The following RAB28 variants were observed in gnomAD, a reference collection of about 807,000 sequenced individuals.
RAB28 encodes the protein ras-related protein Rab-28.
A neutral mutation model predicts 31.7 loss-of-function variants in RAB28; 24 were observed. The observed-to-expected ratio is 0.76, with a 90% CI of 0.55 to 1.06. The LOEUF (loss-of-function observed/expected upper bound fraction) is 1.06, where lower values mean the gene tolerates loss of function less well. Among genes scored for constraint, RAB28 ranks in the 50% least tolerant of loss-of-function variants. The probability of loss-of-function intolerance (pLI) is 0.00; values close to 1 mark genes in which losing one functional copy is unlikely to be tolerated. For synonymous variants in RAB28, 100 were observed against 90.4 expected, an observed-to-expected ratio of 1.11 and a Z score of -0.60; for missense variants, 254 against 258.5, an observed-to-expected ratio of 0.98 and a Z score of 0.12.
At chr4:13,383,431 C>T (rs1729219596) in intron 4 of RAB28, among the ~76,000 whole-genome samples, 1 of 151,744 alleles carries the variant, frequency 6.6e-6, no homozygotes, top group Non-Finnish European at 1.5e-5. Flanking sequence ...AGTTTTTTTC[C>T]TAACAAATAT....
At chr4:13,453,020 G>C (rs1080004) in intron 4 of RAB28, among the ~76,000 whole-genome samples, 1 of 151,818 alleles carries the variant, frequency 6.6e-6, no homozygotes, top group Non-Finnish European at 1.5e-5. Context: ...ATTATTATAT[G>C]ATGTCCTCCT....
chr4:13,457,478 T>A (rs1193720402), intron 4 of RAB28, among the ~76,000 whole-genome samples: 3 of 152,174 alleles, frequency 2.0e-5, no homozygotes, highest in Non-Finnish European at 4.4e-5. Context: ...AAAATATTTA[T>A]CTATAATCTC....
Position 13,479,518 on chromosome 4 carries a change from T to A in RAB28, c.84A>T (p.Leu28Phe), listed in dbSNP as rs1218171561. Reference protein sequence around the residue: ...LGDGASGKTSLTTCFAQETFG... With the variant: ...LGDGASGKTSFTTCFAQETFG... ...AAGTTTCTTGAGCAAAACACGTAGT[T>A]AAGGAGGTCTAAAAAATTGATGCAC... The change falls in exon 2 of 7, where the codon TTA becomes TTT. Residue 28 changes from leucine to phenylalanine, a missense_variant. Leu to Phe is a conservative substitution (Grantham distance 22). Coordinates refer to ENST00000330852, the MANE Select transcript of RAB28 (RefSeq NM_001017979.3). The A allele has an allele frequency of 5.0e-6, 8 of 1,594,442 alleles. No individual in the cohort carries two copies. Among genetic ancestry groups the A allele is most frequent in the Admixed American group, 1.7e-5 (1 of 59,516 alleles).
intron 4 of RAB28, among the ~76,000 whole-genome samples, chr4:13,422,294 T>C (rs535198335): frequency 1.3e-5 from 2 of 152,320 alleles, no homozygotes; most frequent in East Asian, 1.9e-4. Flanking sequence ...TTTTGCACTG[T>C]TGGTGGGAGT....
intron 4 of RAB28, among the ~76,000 whole-genome samples, chr4:13,455,179 G>A (rs1398582546): frequency 6.6e-6 from 1 of 152,172 alleles, no homozygotes; most frequent in Non-Finnish European, 1.5e-5. Context: ...TCAGCCTGGG[G>A]CTGTGTCTGC....
intron 3 of RAB28, among the ~76,000 whole-genome samples, chr4:13,469,367 T>A (rs2108967825): frequency 6.6e-6 from 1 of 152,102 alleles, no homozygotes; most frequent in South Asian, 2.1e-4. Flanking sequence ...CCCCATACCA[T>A]CCTTTCCTTC....
intron 5 of RAB28, among the ~76,000 whole-genome samples, chr4:13,380,652 G>A (rs186706403): frequency 6.6e-6 from 1 of 152,144 alleles, no homozygotes; most frequent in East Asian, 1.9e-4. Flanking sequence ...AAAGGATGTA[G>A]TTATGGCAAT....
chr4:13,387,837 C>T (rs928155154), intron 4 of RAB28, among the ~76,000 whole-genome samples: 5 of 151,990 alleles, frequency 3.3e-5, no homozygotes, highest in Non-Finnish European at 5.9e-5. Flanking sequence ...TTTTTGAATG[C>T]CAGACAAAGT....
At chr4:13,395,507 C>T (rs189713839) in intron 4 of RAB28, among the ~76,000 whole-genome samples, 15 of 152,184 alleles carry the variant, frequency 9.9e-5, no homozygotes, top group African/African-American at 3.4e-4. Context: ...AAAACACACA[C>T]ACACTAATAC....
At chr4:13,435,017 C>CAAAAAAAAAAAAAAA (rs991889676) in intron 4 of RAB28, among the ~76,000 whole-genome samples, 3 of 47,040 alleles carry the variant, frequency 6.4e-5, no homozygotes, top group Admixed American at 2.3e-4. Context: ...GACTCCGTCT[C>CAAAAAAAAAAAAAAA]AAAAAAAAAA....
intron 4 of RAB28, among the ~76,000 whole-genome samples, chr4:13,398,506 C>T (rs1311823776): frequency 6.6e-6 from 1 of 152,152 alleles, no homozygotes; most frequent in African/African-American, 2.4e-5. Context: ...CGGCCGGGCG[C>T]GGTGGCTCAC....
intron 4 of RAB28, among the ~76,000 whole-genome samples, chr4:13,455,222 C>G (rs1715231739): frequency 6.6e-6 from 1 of 152,128 alleles, no homozygotes. Flanking sequence ...TTCTCCGGAC[C>G]TGGGCACAGA....
intron 3 of RAB28, among the ~76,000 whole-genome samples, chr4:13,464,348 T>C (rs950297081): frequency 1.3e-5 from 2 of 152,220 alleles, no homozygotes; most frequent in East Asian, 3.9e-4. Context: ...CTCTGCAGAA[T>C]AAATGGCTTA....
chr4:13,451,864 G>T (rs904549987), intron 4 of RAB28, among the ~76,000 whole-genome samples: 1 of 151,904 alleles, frequency 6.6e-6, no homozygotes, highest in Non-Finnish European at 1.5e-5. Context: ...CCCACTGAGT[G>T]TTCTTGAACA....
chr4:13,473,081 T>A (rs569398344), intron 3 of RAB28, among the ~76,000 whole-genome samples: 1 of 152,076 alleles, frequency 6.6e-6, no homozygotes, highest in African/African-American at 2.4e-5. Context: ...CAGAACCATA[T>A]TAGCCTCTAT....
intron 4 of RAB28, among the ~76,000 whole-genome samples, chr4:13,386,987 G>T (rs1280868049): frequency 6.6e-6 from 1 of 151,990 alleles, no homozygotes; most frequent in East Asian, 1.9e-4. Flanking sequence ...GCAAACTAAT[G>T]CAAGAACAGA....
rs754359378 is a variant in RAB28, at chr4:13,390,586, C to CA, written c.392-8993dup. 4.9e-3 allele frequency among the ~76,000 whole-genome samples: 597 copies of CA among 121,100 alleles called. 5 individuals are homozygous for CA. Among genetic ancestry groups the CA allele is most frequent in the Admixed American group, 0.013 (153 of 11,872 alleles). 79.4% of individuals were successfully genotyped at this position (121,100 alleles called of 152,430 possible). ...AACTACTTTAAAGTTCACATGGAAT[C>CA]AAAAAAAAAAAAAGCCTGCATGCAA... is the stretch of plus-strand genomic sequence containing the variant. On this transcript the variant is annotated intron_variant, in intron 4 of 6. Transcript: ENST00000330852.
At chr4:13,390,730 G>A (rs1420122153) in intron 4 of RAB28, among the ~76,000 whole-genome samples, 1 of 152,102 alleles carries the variant, frequency 6.6e-6, no homozygotes, top group Non-Finnish European at 1.5e-5. Context: ...GAACAGAACA[G>A]AGGCCTCAGA....
chr4:13,475,401 T>G (rs545409198), intron 2 of RAB28, among the ~76,000 whole-genome samples: 23 of 151,314 alleles, frequency 1.5e-4, no homozygotes, highest in African/African-American at 4.6e-4. Flanking sequence ...CAAAAGAAAA[T>G]AAAAGATTAG....
Sources: allele counts gnomAD v4.1 joint callset (sites outside exome capture counted in the v4.1 genomes callset), GRCh38; gene constraint gnomAD v4.1.1; transcripts MANE v1.5; gene names NCBI Gene and HGNC (gene_info 2026-07-23, HGNC 2026-07-21).